The following DSCAML1 variants were observed in gnomAD, a reference collection of about 807,000 sequenced individuals.
DSCAML1 encodes the protein DS cell adhesion molecule like 1, also known as cell adhesion molecule DSCAML1.
In DSCAML1, 38 loss-of-function variants were observed where a neutral mutation model predicts 200.5. The observed-to-expected ratio is 0.19, with a 90% CI of 0.15 to 0.25. The LOEUF (loss-of-function observed/expected upper bound fraction) is 0.25, where lower values mean the gene tolerates loss of function less well. Ranked by LOEUF, DSCAML1 falls within the 10% of genes least tolerant of loss-of-function variation. The pLI is 1.00. For synonymous variants in DSCAML1, 1,215 were observed against 1,165.0 expected (o/e 1.04, Z -0.87); for missense variants, 2,223 against 2,858.8 (o/e 0.78, Z 5.07).
chr11:117,538,449 C>T lies in DSCAML1; in HGVS notation c.512-5927G>A, dbSNP rs543021608. ...GAGGTTGGGGCTGCCGGGCCCCCAG[C>T]GCCTCCTGCGGTCAGGCCTCCTGCA... is the stretch of plus-strand genomic sequence containing the variant. On this transcript the variant is annotated intron_variant, in intron 3 of 32. Coordinates refer to ENST00000651296, the MANE Select transcript of DSCAML1 (RefSeq NM_020693.4). 2.1e-3 allele frequency among the ~76,000 whole-genome samples: 325 copies of T among 152,304 alleles called. 1 individual carries two copies. The highest frequency in any genetic ancestry group is 7.0e-3 in the African/African-American group (292 of 41,558).
intron 3 of DSCAML1, among the ~76,000 whole-genome samples, chr11:117,543,435 G>GTGTGAACCTGCACTGGCA (rs1259274232): frequency 2.6e-5 from 4 of 152,096 alleles, no homozygotes; most frequent in Non-Finnish European, 4.4e-5. Flanking sequence ...CTGTGCTGGT[G>GTGTGAACCTGCACTGGCA]TGTGTACCTG....
rs1159844090 is a variant in DSCAML1 at position 117,477,391 on chromosome 11, T to C, written c.2785+3052A>G. Reference sequence around the variant, plus strand: ...GTGTGTGTGTGTGTGTGTGTGTGTGTATGTGTGTGTGTATGTGTATATTCT... The same window carrying C: ...GTGTGTGTGTGTGTGTGTGTGTGTGCATGTGTGTGTGTATGTGTATATTCT... On this transcript the variant is annotated intron_variant, in intron 14 of 32. Coordinates refer to ENST00000651296, the MANE Select transcript of DSCAML1 (RefSeq NM_020693.4). Among the ~76,000 whole-genome samples, 11 of 129,408 alleles carry C rather than the reference T, an allele frequency of 8.5e-5. No homozygotes were observed. In the South Asian group the frequency reaches 1.8e-3, roughly 21 times the overall value. 84.9% of individuals were successfully genotyped at this position (129,408 alleles called of 152,430 possible).
intron 1 of DSCAML1, among the ~76,000 whole-genome samples, chr11:117,811,633 G>A (rs1044143612): frequency 1.3e-4 from 20 of 152,288 alleles, no homozygotes; most frequent in African/African-American, 2.9e-4. Context: ...CCATCTGCGC[G>A]GGACCCCACT....
chr11:117,811,252 A>G (rs1388541234), intron 1 of DSCAML1, among the ~76,000 whole-genome samples: 1 of 152,156 alleles, frequency 6.6e-6, no homozygotes, highest in African/African-American at 2.4e-5. Context: ...AGCAACCCTG[A>G]GAAGCTTTAC....
intron 3 of DSCAML1, among the ~76,000 whole-genome samples, chr11:117,650,700 T>TGTGTGTGCAC (rs147584706): frequency 1.2e-4 from 17 of 147,464 alleles, no homozygotes; most frequent in South Asian, 2.2e-4. Context: ...TGTGTGTGTG[T>TGTGTGTGCAC]GCGTGTGTGT....
At chr11:117,802,811 T>G (rs2055673679) in intron 1 of DSCAML1, among the ~76,000 whole-genome samples, 1 of 152,208 alleles carries the variant, frequency 6.6e-6, no homozygotes, top group Non-Finnish European at 1.5e-5. Context: ...TAAAAGGATC[T>G]GGATACATAT....
chr11:117,607,288 G>T (rs2051586687), intron 3 of DSCAML1, among the ~76,000 whole-genome samples: 1 of 152,216 alleles, frequency 6.6e-6, no homozygotes. Context: ...AGCGGGAGGA[G>T]AGAGGCAAAT....
In DSCAML1 at chr11:117,463,121, T is replaced by C. The variant is rs895142038; in HGVS notation, c.3266-1525A>G. ...TAAAGCCTCCTGCATCTGCGTCACT[T>C]GTTCGTGCATCCAGCCTTGCTCCCA... On this transcript the variant is annotated intron_variant, in intron 17 of 32. Transcript: ENST00000651296. This position sits in a 1 kb window ranked among gnomAD's most constrained non-coding sequence, Gnocchi z 4.0. Among the ~76,000 whole-genome samples the C allele has an allele frequency of 6.6e-6, 1 of 152,196 alleles. No homozygotes were observed. The highest frequency in any genetic ancestry group is 6.5e-5 in the Admixed American group (1 of 15,286).
intron 3 of DSCAML1, among the ~76,000 whole-genome samples, chr11:117,773,508 C>T (rs2055074273): frequency 6.8e-6 from 1 of 147,354 alleles, no homozygotes; most frequent in Non-Finnish European, 1.5e-5. Flanking sequence ...GAAGTGCCAT[C>T]CAGCCTCCTC....
Position 117,516,676 on chromosome 11 carries a change from T to C in DSCAML1, c.1574A>G (p.Asn525Ser), listed in dbSNP as rs754914431. 3 of 1,614,068 alleles carry C rather than the reference T, an allele frequency of 1.9e-6. No individual in the cohort carries two copies. The South Asian group carries it at 3.3e-5, about 18-fold the overall frequency. The change falls in exon 8 of 33, where the codon AAC (asparagine) becomes AGC (serine). Residue 525 changes from asparagine to serine, a missense_variant. Coordinates refer to ENST00000651296, the MANE Select transcript of DSCAML1 (RefSeq NM_020693.4). This position sits in a 1 kb window ranked among gnomAD's most constrained non-coding sequence, Gnocchi z 5.7. ...GTAGGGATAGCCGATGACCCTGCAG[T>C]TGATAAGGGTGTCCCGCCCGGCGAC... is the stretch of plus-strand genomic sequence containing the variant. ...TAVAGRDTLI[N>S]CRVIGYPYYS...
Position 117,780,839 on chromosome 11 carries a change from G to T in DSCAML1, c.47-29C>A. The T allele has an allele frequency of 7.1e-7, 1 of 1,400,414 alleles. No individual in the cohort carries two copies. The highest frequency in any genetic ancestry group is 9.3e-7 in the Non-Finnish European group (1 of 1,079,278). 86.7% of individuals were successfully genotyped at this position (1,400,414 alleles called of 1,614,324 possible). A position where few individuals can be genotyped will look rare whatever the true frequency, so the allele number is the denominator to read the frequency against. ...CAGGAGAGGCAAGGGGAGAGACTTG[G>T]TTAGCATGGGCTCTAACAATACCCA... On this transcript the variant is annotated intron_variant, in intron 1 of 32. Transcript: ENST00000651296. The surrounding 1 kb of genome is among the most constrained non-coding windows in gnomAD (Gnocchi z 4.8).
chr11:117,746,941 G>T (rs77528022), intron 3 of DSCAML1, among the ~76,000 whole-genome samples: 1,684 of 152,312 alleles, frequency 0.011, 37 homozygotes, highest in African/African-American at 0.038. Flanking sequence ...ATAACACTGG[G>T]TTAGAAAGTA....
chr11:117,428,927 G>C, intron 32 of DSCAML1, 124 bp from the exon 33 acceptor site: 2 of 834,732 alleles, frequency 2.4e-6, no homozygotes, highest in Non-Finnish European at 3.7e-6. Flanking sequence ...CCCCTCCACT[G>C]GGGGGCAATA....
At position 117,479,188 on chromosome 11, in the gene DSCAML1, C is replaced by T. The variant is rs537359304; in HGVS notation, c.2785+1255G>A. Among the ~76,000 whole-genome samples the T allele has an allele frequency of 2.6e-5, 4 of 152,310 alleles. No individual in the cohort carries two copies. In the East Asian group the frequency reaches 5.8e-4, roughly 22 times the overall value. ...CAATCAAGAGGAGAGGACAGCCGGCCGGCCAATGGCCACTGCCGTGCTAAG... is the reference window on the plus strand; with the variant it reads ...CAATCAAGAGGAGAGGACAGCCGGCTGGCCAATGGCCACTGCCGTGCTAAG... On this transcript the variant is annotated intron_variant, in intron 14 of 32. Coordinates refer to ENST00000651296, the MANE Select transcript of DSCAML1 (RefSeq NM_020693.4).
rs769923529 is a variant in DSCAML1 at position 117,431,517 on chromosome 11, C to A, written c.5374+17G>T. On this transcript the variant is annotated intron_variant, in intron 31 of 32. Transcript: ENST00000651296. Reference sequence around the variant, plus strand: ...TGGGGGGAGGTGTTCAGGATGCCAGCAGGGCCTTAGGCACACCTGTGTCCT... The same window carrying A: ...TGGGGGGAGGTGTTCAGGATGCCAGAAGGGCCTTAGGCACACCTGTGTCCT... The A allele has an allele frequency of 6.6e-7, 1 of 1,525,944 alleles. No homozygotes were observed. The highest frequency in any genetic ancestry group is 2.2e-4 in the Middle Eastern group (1 of 4,582). The allele number at this position is 1,525,944 out of a possible 1,614,324, so 94.5% of individuals were successfully genotyped here.
intron 11 of DSCAML1, among the ~76,000 whole-genome samples, chr11:117,497,484 C>A (rs955752343): frequency 9.2e-5 from 14 of 152,232 alleles, no homozygotes; most frequent in African/African-American, 3.1e-4. Context: ...AGCCTTTCTC[C>A]TCACCTCTGT....
intron 3 of DSCAML1, among the ~76,000 whole-genome samples, chr11:117,574,698 G>A (rs1281947924): frequency 6.6e-6 from 1 of 152,174 alleles, no homozygotes; most frequent in Non-Finnish European, 1.5e-5. Context: ...ATGAGGACTG[G>A]CATTGGGTCC....
Position 117,654,968 on chromosome 11 carries a change from A to T in DSCAML1, c.511+121823T>A, listed in dbSNP as rs187864598. Among the ~76,000 whole-genome samples the T allele has an allele frequency of 1.5e-3, 235 of 152,314 alleles. 1 individual carries two copies. Among genetic ancestry groups the T allele is most frequent in the African/African-American group, 5.3e-3 (222 of 41,574 alleles). On this transcript the variant is annotated intron_variant, in intron 3 of 32. Coordinates refer to ENST00000651296, the MANE Select transcript of DSCAML1 (RefSeq NM_020693.4). ...GACACAACAGTCTCCCGAAACAGAA[A>T]ACCCTCTGCCCACGCTTGTCTCCCA...
intron 3 of DSCAML1, among the ~76,000 whole-genome samples, chr11:117,739,082 A>G (rs1169955252): frequency 6.6e-6 from 1 of 152,230 alleles, no homozygotes; most frequent in East Asian, 1.9e-4. Flanking sequence ...GATCCTCCAA[A>G]TAATACCTCA....
Sources: gnomAD v4.1 joint callset for allele counts (sites outside exome capture counted in the v4.1 genomes callset) on GRCh38, gnomAD v4.1.1 for gene constraint, Gnocchi (gnomAD v3.1) non-coding constraint, MANE v1.5 for transcripts, NCBI Gene and HGNC (gene_info 2026-07-23, HGNC 2026-07-21) for gene names.